Variants in TRIM69 observed in about 807,000 individuals in gnomAD.
TRIM69 encodes the protein tripartite motif containing 69.
In TRIM69, 29 loss-of-function variants were observed where a neutral mutation model predicts 37.7. The observed-to-expected ratio is 0.77, with a 90% CI of 0.57 to 1.05. TRIM69 has a LOEUF of 1.05. Among genes scored for constraint, TRIM69 ranks in the 50% least tolerant of loss-of-function variants. TRIM69 has a pLI of 0.00. For missense variants in TRIM69, 596 were observed against 579.9 expected (o/e 1.03, Z -0.28); for synonymous variants, 209 against 212.4 (o/e 0.98, Z 0.14).
Position 44,755,050 on chromosome 15 carries a change from A to C in TRIM69, c.157A>C (p.Met53Leu), listed in dbSNP as rs762526755. ...CAATGATTGGTTCCGAGACCCACTG[A>C]TGCTAAGCTGTGGCCACAACTTCTG... is the stretch of plus-strand genomic sequence containing the variant. ...LCNDWFRDPL[M>L]LSCGHNFCEA... Residue 53 changes from methionine to leucine, a missense_variant, in exon 2 of 7, where the codon ATG becomes CTG. By Grantham distance (15) the Met-to-Leu change is conservative (BLOSUM62 2). Coordinates refer to ENST00000329464, the MANE Select transcript of TRIM69 (RefSeq NM_182985.5). 6.2e-7 allele frequency: 1 copy of C among 1,614,220 alleles called. No homozygotes were observed. The highest frequency in any genetic ancestry group is 8.5e-7 in the Non-Finnish European group (1 of 1,180,028).
At chr15:44,755,576 G>T in intron 2 of TRIM69, among the ~76,000 whole-genome samples, 200 bp downstream of exon 2, 1 of 152,160 alleles carries the variant, frequency 6.6e-6, no homozygotes, top group Non-Finnish European at 1.5e-5. Context: ...AGGAGCCCTG[G>T]CTTACTCCCT....
At chr15:44,755,797 G>C (rs776749324) in intron 2 of TRIM69, among the ~76,000 whole-genome samples, 5 of 152,132 alleles carry the variant, frequency 3.3e-5, no homozygotes, top group Non-Finnish European at 7.3e-5. Flanking sequence ...GAATTTCTGA[G>C]ACTATTAGAG....
chr15:44,739,275 T>C (rs1389517694), intron 1 of TRIM69, among the ~76,000 whole-genome samples: 4 of 152,226 alleles, frequency 2.6e-5, no homozygotes, highest in Non-Finnish European at 5.9e-5. Flanking sequence ...GGAACAGCTC[T>C]GGTCTACAGC....
chr15:44,749,926 A>G (rs1416178523), intron 1 of TRIM69, among the ~76,000 whole-genome samples: 1 of 152,204 alleles, frequency 6.6e-6, no homozygotes, highest in Non-Finnish European at 1.5e-5. Flanking sequence ...AATACAAGTG[A>G]GTGTGAAGTG....
intron 1 of TRIM69, among the ~76,000 whole-genome samples, chr15:44,737,028 G>C (rs927003372): frequency 6.6e-6 from 1 of 151,922 alleles, no homozygotes; most frequent in Admixed American, 6.6e-5. Flanking sequence ...TGTATAACTT[G>C]GTTTGCTTAC....
chr15:44,746,330 T>A (rs896029094), intron 1 of TRIM69, among the ~76,000 whole-genome samples: 1 of 152,178 alleles, frequency 6.6e-6, no homozygotes, highest in Admixed American at 6.5e-5. Flanking sequence ...CTCTAGTAGA[T>A]CTTACCTACA....
intron 6 of TRIM69, among the ~76,000 whole-genome samples, chr15:44,763,860 C>T (rs1245201229): frequency 6.6e-6 from 1 of 152,102 alleles, no homozygotes; most frequent in Non-Finnish European, 1.5e-5. Context: ...TAACTTAGCC[C>T]ATTTTCTAAA....
intron 1 of TRIM69, among the ~76,000 whole-genome samples, chr15:44,751,506 C>G (rs1162698678): frequency 6.6e-6 from 1 of 150,944 alleles, no homozygotes; most frequent in Non-Finnish European, 1.5e-5. Context: ...TTCAAGTGAT[C>G]CTTCTGCTTT....
In TRIM69 at chr15:44,743,274, G is replaced by A. The variant is rs1399301725; in HGVS notation, c.6+6564G>A. 4.6e-5 allele frequency among the ~76,000 whole-genome samples: 7 copies of A among 152,080 alleles called. No homozygotes were observed. The South Asian group carries it at 6.2e-4, about 14-fold the overall frequency. The stretch of plus-strand genomic sequence containing the variant: ...CTGGCTAGCCATATGTAGAAAGCTG[G>A]AACTGGATCCCTTCCCTACACCTTA... On this transcript the variant is annotated intron_variant, in intron 1 of 6. Transcript: ENST00000329464.
At chr15:44,744,373 G>T (rs1354265978) in intron 1 of TRIM69, among the ~76,000 whole-genome samples, 2 of 147,572 alleles carry the variant, frequency 1.4e-5, no homozygotes, top group Admixed American at 1.4e-4. Flanking sequence ...GAGTTAATGG[G>T]TGCAGCACAC....
At position 44,738,084 on chromosome 15, in the gene TRIM69, A is replaced by AGT. The variant is rs370560122; in HGVS notation, c.6+1375_6+1376dup. On this transcript the variant is annotated intron_variant, in intron 1 of 6. Transcript: ENST00000329464. ...TTTTTTTTTTTTTTTTTTAGGACAGAGTCTCACTCTCTTGCTCAGGCTGGA... is the reference window on the plus strand; with the variant it reads ...TTTTTTTTTTTTTTTTTTAGGACAGAGTGTCTCACTCTCTTGCTCAGGCTGGA... 2.3e-3 allele frequency among the ~76,000 whole-genome samples: 311 copies of AGT among 136,854 alleles called. 1 individual carries two copies. Among genetic ancestry groups the AGT allele is most frequent in the African/African-American group, 8.5e-3 (296 of 34,864 alleles). The allele number at this position is 136,854 out of a possible 152,430, so 89.8% of individuals were successfully genotyped here. A position where few individuals can be genotyped will look rare whatever the true frequency, so the allele number is the denominator to read the frequency against.
In TRIM69 at chr15:44,754,995, TATTACTATGGA is replaced by T; in HGVS notation, c.103_113del (p.Ile35AlafsTer8). On this transcript the variant is annotated frameshift_variant, in exon 2 of 7. Transcript: ENST00000329464. LOFTEE classifies it high-confidence loss of function. ...TACCCTCTAAAGTGGTGATACAAGA[TATTACTATGGA>T]GCTACACTGCCCTCTGTGCAATGAT... is the stretch of plus-strand genomic sequence containing the variant. 1 of 1,614,168 alleles carries T rather than the reference TATTACTATGGA, an allele frequency of 6.2e-7. No homozygotes were observed. Among genetic ancestry groups the T allele is most frequent in the Non-Finnish European group, 8.5e-7 (1 of 1,180,012 alleles).
chr15:44,758,437 T>A, intron 3 of TRIM69, 184 bp from the exon 4 acceptor site: 1 of 889,140 alleles, frequency 1.1e-6, no homozygotes. Flanking sequence ...ATTAAATTAG[T>A]TGGAAAAGGA....
At chr15:44,751,395 C>A (rs1157106701) in intron 1 of TRIM69, among the ~76,000 whole-genome samples, 1 of 152,086 alleles carries the variant, frequency 6.6e-6, no homozygotes, top group Non-Finnish European at 1.5e-5. Context: ...GGATTACAGG[C>A]ATGAGCCACC....
At chr15:44,756,528 A>G (rs1488398411) in intron 3 of TRIM69, 65 bp downstream of exon 3, 2 of 1,132,296 alleles carry the variant, frequency 1.8e-6, no homozygotes, top group East Asian at 5.1e-5. Flanking sequence ...AACTTCAGCT[A>G]TGGGTACAAA....
intron 1 of TRIM69, among the ~76,000 whole-genome samples, chr15:44,739,508 A>G (rs1209372671): frequency 6.6e-6 from 1 of 152,206 alleles, no homozygotes; most frequent in Non-Finnish European, 1.5e-5. Context: ...CACCTGGAAA[A>G]TTGGGTCACT....
At chr15:44,750,469 T>C (rs2087494959) in intron 1 of TRIM69, among the ~76,000 whole-genome samples, 1 of 152,154 alleles carries the variant, frequency 6.6e-6, no homozygotes, top group Non-Finnish European at 1.5e-5. Flanking sequence ...GAGTCAGTTT[T>C]GGTAGTTGGT....
intron 6 of TRIM69, among the ~76,000 whole-genome samples, chr15:44,765,301 A>G (rs2087861980): frequency 6.6e-6 from 1 of 152,210 alleles, no homozygotes; most frequent in African/African-American, 2.4e-5. Flanking sequence ...GGCTTAGCAA[A>G]GAGAGCAGAG....
chr15:44,743,888 G>T (rs1373513410), intron 1 of TRIM69, among the ~76,000 whole-genome samples: 4 of 152,212 alleles, frequency 2.6e-5, no homozygotes, highest in Non-Finnish European at 4.4e-5. Flanking sequence ...CATTGTGGAA[G>T]TCAGTGTGGT....
Sources: allele counts gnomAD v4.1 joint callset (sites outside exome capture counted in the v4.1 genomes callset), GRCh38; gene constraint gnomAD v4.1.1; transcripts MANE v1.5; gene names NCBI Gene and HGNC (gene_info 2026-07-23, HGNC 2026-07-21).